Variants in OR51B5 observed in about 807,000 individuals in gnomAD.
The protein encoded by OR51B5 is olfactory receptor 51B5.
For missense variants in OR51B5, 456 were observed against 374.6 expected, an observed-to-expected ratio of 1.22 and a Z score of -1.79; for synonymous variants, 186 against 144.8, an observed-to-expected ratio of 1.28 and a Z score of -2.04.
chr11:5,373,499 C>G (rs1355023784), intron 1 of OR51B5, among the ~76,000 whole-genome samples: 1 of 152,084 alleles, frequency 6.6e-6, no homozygotes, highest in African/African-American at 2.4e-5. Context: ...GTGCAGCACA[C>G]CATGCACCAG....
At chr11:5,367,423 T>C (rs1849386493) in intron 1 of OR51B5, among the ~76,000 whole-genome samples, 1 of 152,208 alleles carries the variant, frequency 6.6e-6, no homozygotes, top group South Asian at 2.1e-4. Context: ...ATTGATGATA[T>C]GCTAAACAAG....
intron 1 of OR51B5, among the ~76,000 whole-genome samples, chr11:5,477,147 T>C (rs1192836683): frequency 6.6e-6 from 1 of 152,232 alleles, no homozygotes; most frequent in Non-Finnish European, 1.5e-5. Context: ...GATGGTTTCA[T>C]GGCTGTATAC....
intron 1 of OR51B5, among the ~76,000 whole-genome samples, chr11:5,396,863 C>A (rs1157466709): frequency 1.3e-5 from 2 of 152,116 alleles, no homozygotes; most frequent in Non-Finnish European, 2.9e-5. Context: ...GAGATATAGA[C>A]CAATGGAACA....
At chr11:5,488,200 G>T (rs918718638) in intron 1 of OR51B5, among the ~76,000 whole-genome samples, 5 of 152,152 alleles carry the variant, frequency 3.3e-5, no homozygotes, top group African/African-American at 1.2e-4. Context: ...TAAGATAGTG[G>T]AAGTAGGAAA....
chr11:5,467,290 T>A (rs1471335661), intron 1 of OR51B5, among the ~76,000 whole-genome samples: 1 of 152,158 alleles, frequency 6.6e-6, no homozygotes, highest in Non-Finnish European at 1.5e-5. Context: ...TCTCTCCTCG[T>A]TGCTTAATGA....
intron 1 of OR51B5, among the ~76,000 whole-genome samples, chr11:5,470,421 C>T (rs1047116315): frequency 6.6e-6 from 1 of 152,182 alleles, no homozygotes; most frequent in Non-Finnish European, 1.5e-5. Context: ...TTTCCACTCA[C>T]TTTCACAACT....
At chr11:5,373,405 G>A (rs2736547) in intron 1 of OR51B5, among the ~76,000 whole-genome samples, 54,271 of 152,096 alleles carry the variant, frequency 0.36, 10,116 homozygotes, top group Non-Finnish European at 0.4. Context: ...GAACAACACA[G>A]AAGACGGGTG....
chr11:5,466,584 CTT>C (rs1415071421), intron 1 of OR51B5, among the ~76,000 whole-genome samples: 1 of 152,176 alleles, frequency 6.6e-6, no homozygotes, highest in African/African-American at 2.4e-5. Context: ...ATGGATTCAT[CTT>C]TGTCATTGAT....
chr11:5,453,562 C>T (rs374169531), intron 1 of OR51B5: 2 of 1,610,786 alleles, frequency 1.2e-6, no homozygotes, highest in East Asian at 4.5e-5. Context: ...AGCTCTCACT[C>T]CTGGCTGTCA....
At chr11:5,377,759 G>A (rs546813637) in intron 1 of OR51B5, among the ~76,000 whole-genome samples, 10 of 148,520 alleles carry the variant, frequency 6.7e-5, no homozygotes, top group South Asian at 2.1e-4. Context: ...TACAAGGGAT[G>A]TGAAGGACCT....
At chr11:5,501,751 C>T (rs1475728074) in intron 1 of OR51B5, among the ~76,000 whole-genome samples, 1 of 148,280 alleles carries the variant, frequency 6.7e-6, no homozygotes, top group Non-Finnish European at 1.5e-5. Flanking sequence ...ATATTTTCTT[C>T]TTTGCTTATT....
At chr11:5,452,348 C>CA (rs1168571190) in intron 1 of OR51B5, among the ~76,000 whole-genome samples, 3 of 150,962 alleles carry the variant, frequency 2.0e-5, no homozygotes, top group Non-Finnish European at 3.0e-5. Context: ...ACTAAAACTA[C>CA]AAAAAAAATT....
chr11:5,475,476 T>C (rs567884277), intron 1 of OR51B5, among the ~76,000 whole-genome samples: 4 of 152,304 alleles, frequency 2.6e-5, no homozygotes, highest in African/African-American at 9.6e-5. Context: ...ACTGGGCTAG[T>C]TATTTATCCA....
chr11:5,489,773 G>A (rs426886), intron 1 of OR51B5: 746,034 of 772,378 alleles, frequency 0.97, 360,574 homozygotes, highest in South Asian at 0.99. Context: ...ATGGCAGGAA[G>A]CTCTGGAAGG....
chr11:5,356,222 C>A (rs1849192863), intron 1 of OR51B5, among the ~76,000 whole-genome samples: 1 of 152,124 alleles, frequency 6.6e-6, no homozygotes. Context: ...AAGTTAAAAA[C>A]CTTGAAAATA....
At chr11:5,479,698 C>T (rs1192242359) in intron 1 of OR51B5, among the ~76,000 whole-genome samples, 1 of 150,170 alleles carries the variant, frequency 6.7e-6, no homozygotes, top group African/African-American at 2.4e-5. Flanking sequence ...CAAAAAAAGG[C>T]AGGGGTTGCA....
At chr11:5,401,320 A>G (rs1463106817) in intron 1 of OR51B5, among the ~76,000 whole-genome samples, 1 of 152,232 alleles carries the variant, frequency 6.6e-6, no homozygotes, top group African/African-American at 2.4e-5. Context: ...GTGATCGTTG[A>G]CAGAATATTT....
chr11:5,505,451 C>T (rs1049240934), intron 1 of OR51B5: 19 of 1,303,628 alleles, frequency 1.5e-5, no homozygotes, highest in Non-Finnish European at 1.8e-5. Context: ...AAAAACTATC[C>T]CCTAATGGGG....
chr11:5,396,424 T>A (rs1402679134), intron 1 of OR51B5, among the ~76,000 whole-genome samples: 1 of 152,054 alleles, frequency 6.6e-6, no homozygotes, highest in Non-Finnish European at 1.5e-5. Flanking sequence ...TATACACCAA[T>A]AACAGACAAA....
Sources: gnomAD v4.1 joint callset for allele counts (sites outside exome capture counted in the v4.1 genomes callset) on GRCh38, gnomAD v4.1.1 for gene constraint, MANE v1.5 for transcripts, NCBI Gene and HGNC (gene_info 2026-07-23, HGNC 2026-07-21) for gene names.